SLC30A7: variants seen among roughly 807,000 people sequenced by gnomAD.
SLC30A7 encodes the protein zinc transporter 7.
In SLC30A7, 35 loss-of-function variants were observed where a neutral mutation model predicts 46.0. That is an observed-to-expected ratio of 0.76 (90% confidence interval 0.58 to 1.01). The LOEUF is 1.01. Among genes scored for constraint, SLC30A7 ranks in the 50% least tolerant of loss-of-function variants. The probability of loss-of-function intolerance (pLI) is 0.00; values close to 1 mark genes in which losing one functional copy is unlikely to be tolerated. For missense variants in SLC30A7, 464 were observed against 451.1 expected (o/e 1.03, Z -0.26); for synonymous variants, 147 against 157.8 (o/e 0.93, Z 0.51).
At chr1:100,936,060 A>T (rs529894692) in intron 8 of SLC30A7, among the ~76,000 whole-genome samples, 45 of 152,202 alleles carry the variant, frequency 3.0e-4, no homozygotes, top group African/African-American at 1.1e-3. Flanking sequence ...CCAATATTTT[A>T]AATTGTCTTC....
At chr1:100,937,123 A>G (rs953690231) in intron 8 of SLC30A7, among the ~76,000 whole-genome samples, 4 of 152,172 alleles carry the variant, frequency 2.6e-5, no homozygotes, top group Non-Finnish European at 5.9e-5. Flanking sequence ...CCTTCTCAGT[A>G]TTCCTAAGAA....
intron 8 of SLC30A7, among the ~76,000 whole-genome samples, chr1:100,922,382 G>A (rs1013778809): frequency 3.9e-5 from 6 of 152,108 alleles, no homozygotes; most frequent in Non-Finnish European, 7.4e-5. Flanking sequence ...CAAATCAATA[G>A]TAATTTTCTT....
intron 2 of SLC30A7, among the ~76,000 whole-genome samples, chr1:100,897,016 C>G (rs571996323): frequency 6.6e-6 from 1 of 151,802 alleles, no homozygotes; most frequent in Non-Finnish European, 1.5e-5. Context: ...AACTTGTTTG[C>G]TGCCTCTCTC....
At chr1:100,902,104 C>T (rs757075324) in intron 2 of SLC30A7, among the ~76,000 whole-genome samples, 1 of 152,122 alleles carries the variant, frequency 6.6e-6, no homozygotes, top group Non-Finnish European at 1.5e-5. Flanking sequence ...ACTGTTTTTC[C>T]CATGAGTTTG....
chr1:100,930,869 A>G (rs373003501), intron 8 of SLC30A7, among the ~76,000 whole-genome samples: 30 of 152,268 alleles, frequency 2.0e-4, no homozygotes, highest in East Asian at 7.7e-4. Flanking sequence ...AAGAACATTT[A>G]TAAAAACTGA....
intron 7 of SLC30A7, 127 bp downstream of exon 7, chr1:100,918,254 T>G: frequency 8.8e-6 from 6 of 684,052 alleles, no homozygotes; most frequent in Non-Finnish European, 4.9e-6. Context: ...GTGTTAGCCT[T>G]TCTAGTGATT....
intron 8 of SLC30A7, among the ~76,000 whole-genome samples, chr1:100,940,812 T>G (rs1438082789): frequency 6.6e-6 from 1 of 152,240 alleles, no homozygotes; most frequent in Non-Finnish European, 1.5e-5. Flanking sequence ...TAACCTGTTA[T>G]TAATTGTTAC....
rs1238542630 is a variant in SLC30A7, at chr1:100,905,194, G to A, written c.183-1658G>A. Among the ~76,000 whole-genome samples, 6 of 152,086 alleles carry A rather than the reference G, an allele frequency of 3.9e-5. No homozygotes were observed. In the East Asian group the frequency reaches 1.2e-3, roughly 29 times the overall value. On this transcript the variant is annotated intron_variant, in intron 2 of 10. Coordinates refer to ENST00000357650, the MANE Select transcript of SLC30A7 (RefSeq NM_133496.5). ...ATTGTCATACCTTAGGTTGTTGACA[G>A]TATTTTTTTTCTCTTTCAATACTTT... is the stretch of plus-strand genomic sequence containing the variant.
chr1:100,912,665 A>G (rs1053065478), intron 5 of SLC30A7, among the ~76,000 whole-genome samples: 2 of 152,022 alleles, frequency 1.3e-5, no homozygotes, highest in African/African-American at 4.8e-5. Context: ...CTCTACAAAA[A>G]AATACAAAAT....
chr1:100,987,405 G>C, the SLC30A7 span, among the ~76,000 whole-genome samples: 1 of 152,130 alleles, frequency 6.6e-6, no homozygotes, highest in South Asian at 2.1e-4. Context: ...GAGGCTTTCT[G>C]TTGTCTTCCT....
chr1:100,953,745 G>T (rs1655076340), intron 8 of SLC30A7, among the ~76,000 whole-genome samples: 1 of 152,104 alleles, frequency 6.6e-6, no homozygotes, highest in African/African-American at 2.4e-5. Context: ...GCCCAATACT[G>T]TATTGACTTT....
Position 100,925,253 on chromosome 1 carries a change from G to A in SLC30A7, c.842+3412G>A, listed in dbSNP as rs955214949. Among the ~76,000 whole-genome samples, 5 of 152,246 alleles carry A rather than the reference G, an allele frequency of 3.3e-5. No individual in the cohort carries two copies. The East Asian group carries it at 9.6e-4, about 29-fold the overall frequency. On this transcript the variant is annotated intron_variant, in intron 8 of 10. Coordinates refer to ENST00000357650, the MANE Select transcript of SLC30A7 (RefSeq NM_133496.5). ...TTGATACTGAAAGGAGGCCAGCATG[G>A]CTGAAGCATAGGGAGTAAGAGGAGA...
chr1:100,963,121 T>G (rs544086248), intron 9 of SLC30A7, among the ~76,000 whole-genome samples: 1 of 152,328 alleles, frequency 6.6e-6, no homozygotes, highest in Admixed American at 6.5e-5. Flanking sequence ...TCTTGAGTTT[T>G]GGGTACAGAT....
chr1:100,989,387 C>T, the SLC30A7 span, among the ~76,000 whole-genome samples: 1 of 152,114 alleles, frequency 6.6e-6, no homozygotes, highest in Non-Finnish European at 1.5e-5. Context: ...ATCTTATAAC[C>T]TCCAAAATAC....
At chr1:100,953,103 C>T (rs1655044224) in intron 8 of SLC30A7, among the ~76,000 whole-genome samples, 1 of 152,148 alleles carries the variant, frequency 6.6e-6, no homozygotes. Context: ...TTCACTGTCT[C>T]TTTCTCTCCT....
intron 8 of SLC30A7, among the ~76,000 whole-genome samples, chr1:100,926,353 G>T (rs1429512584): frequency 6.6e-6 from 1 of 152,158 alleles, no homozygotes; most frequent in Admixed American, 6.6e-5. Flanking sequence ...CATAGTGCTG[G>T]CATCTGCTTA....
In SLC30A7 at chr1:100,979,684, G is replaced by A. The variant is rs1409037913; in HGVS notation, c.*4827G>A. The A allele has an allele frequency of 6.6e-6, 1 of 151,996 alleles. No homozygotes were observed. Among genetic ancestry groups the A allele is most frequent in the Admixed American group, 6.6e-5 (1 of 15,246 alleles). 9.4% of individuals were successfully genotyped at this position (151,996 alleles called of 1,614,324 possible). A position where few individuals can be genotyped will look rare whatever the true frequency, so the allele number is the denominator to read the frequency against. On this transcript the variant is annotated 3_prime_UTR_variant, in exon 11 of 11. Transcript: ENST00000357650. ...AATTTTGCATGATTTTATGATTGAC[G>A]GAGCATTTTCAAATCTCCTCTAATT...
intron 7 of SLC30A7, among the ~76,000 whole-genome samples, chr1:100,920,629 A>G (rs1323152386): frequency 6.6e-6 from 1 of 151,952 alleles, no homozygotes; most frequent in Non-Finnish European, 1.5e-5. Context: ...ATTTTCCAGA[A>G]CACAAGATTT....
chr1:100,910,952 G>A (rs1272316240), intron 3 of SLC30A7, 111 bp from the exon 4 acceptor site: 1 of 772,438 alleles, frequency 1.3e-6, no homozygotes. Context: ...GGCTTCGCTG[G>A]CCACTTATAA....
Sources: allele counts gnomAD v4.1 joint callset (sites outside exome capture counted in the v4.1 genomes callset), GRCh38; gene constraint gnomAD v4.1.1; transcripts MANE v1.5; gene names NCBI Gene and HGNC (gene_info 2026-07-23, HGNC 2026-07-21).